Variants in TTC27 observed in about 807,000 individuals in gnomAD.
TTC27 encodes tetratricopeptide repeat domain 27.
A neutral mutation model predicts 115.9 loss-of-function variants in TTC27; 79 were observed. That is an observed-to-expected ratio of 0.68 (90% CI 0.57 to 0.82). The LOEUF is 0.82. TTC27 is among the 40% of genes least tolerant of loss of function. The probability of loss-of-function intolerance (pLI) is 0.00; values close to 1 mark genes in which losing one functional copy is unlikely to be tolerated. For synonymous variants in TTC27, 401 were observed against 356.0 expected, an observed-to-expected ratio of 1.13 and a Z score of -1.42; for missense variants, 1,054 against 993.1, an observed-to-expected ratio of 1.06 and a Z score of -0.82.
chr2:32,690,713 A>G (rs1666781247), intron 9 of TTC27, among the ~76,000 whole-genome samples: 1 of 152,184 alleles, frequency 6.6e-6, no homozygotes, highest in East Asian at 1.9e-4. Context: ...TTTTTAAATG[A>G]CCTACCTAGC....
chr2:32,725,381 G>A (rs890758345), intron 10 of TTC27, among the ~76,000 whole-genome samples: 1 of 152,090 alleles, frequency 6.6e-6, no homozygotes, highest in Non-Finnish European at 1.5e-5. Flanking sequence ...TGCAGGCATT[G>A]GGTAAATACA....
At chr2:32,747,358 C>G (rs540550857) in intron 12 of TTC27, among the ~76,000 whole-genome samples, 7 of 152,252 alleles carry the variant, frequency 4.6e-5, no homozygotes, top group Non-Finnish European at 8.8e-5. Flanking sequence ...GCATTTAATA[C>G]CCCTAACTTA....
rs1664136548 is a variant in TTC27 at position 32,630,451 on chromosome 2, C to T, written c.89-72C>T. 2.2e-5 allele frequency: 27 copies of T among 1,203,426 alleles called. No homozygotes were observed. The South Asian group carries it at 3.9e-4, about 17-fold the overall frequency. The allele number at this position is 1,203,426 out of a possible 1,614,324, so 74.5% of individuals were successfully genotyped here. A position where few individuals can be genotyped will look rare whatever the true frequency, so the allele number is the denominator to read the frequency against. On this transcript the variant is annotated intron_variant, in intron 1 of 19. Transcript: ENST00000317907. ...TTGCACACTAAAATGGTAGATTTAC[C>T]TAATAGTGTTATCCTTTACGGTATG...
At chr2:32,654,098 A>C (rs569283057) in intron 5 of TTC27, among the ~76,000 whole-genome samples, 1 of 152,328 alleles carries the variant, frequency 6.6e-6, no homozygotes, top group South Asian at 2.1e-4. Context: ...CTTTAGAGAT[A>C]ATCTTGTCTA....
intron 4 of TTC27, among the ~76,000 whole-genome samples, chr2:32,642,716 G>A (rs1664699631): frequency 6.6e-6 from 1 of 151,880 alleles, no homozygotes; most frequent in Admixed American, 6.6e-5. Context: ...TGCCCAGGCT[G>A]GAGTGCAGTG....
intron 16 of TTC27, among the ~76,000 whole-genome samples, chr2:32,790,754 A>C (rs1670509101): frequency 6.7e-6 from 1 of 149,306 alleles, no homozygotes; most frequent in South Asian, 2.1e-4. Context: ...AGTGACCATC[A>C]TTCCTTTCTG....
At chr2:32,802,503 C>T (rs1670985266) in intron 16 of TTC27, among the ~76,000 whole-genome samples, 1 of 152,120 alleles carries the variant, frequency 6.6e-6, no homozygotes, top group South Asian at 2.1e-4. Context: ...GCTTCCTCTC[C>T]TCATCCTCTT....
At chr2:32,787,676 C>A (rs1670394982) in intron 16 of TTC27, among the ~76,000 whole-genome samples, 1 of 152,014 alleles carries the variant, frequency 6.6e-6, no homozygotes, top group Admixed American at 6.6e-5. Context: ...GTTGTGTCAT[C>A]CAAAATATTA....
chr2:32,761,495 C>T (rs1213406802), intron 13 of TTC27, among the ~76,000 whole-genome samples: 1 of 152,162 alleles, frequency 6.6e-6, no homozygotes, highest in Non-Finnish European at 1.5e-5. Flanking sequence ...GCTCTCAAGA[C>T]TTTCCCCAGT....
At chr2:32,663,660 GTA>G (rs1431516803) in intron 5 of TTC27, among the ~76,000 whole-genome samples, 9 of 151,522 alleles carry the variant, frequency 5.9e-5, no homozygotes, top group African/African-American at 2.2e-4. Context: ...ATGTATGTAT[GTA>G]TGTATGTATG....
rs998490163 is a variant in TTC27 at position 32,762,630 on chromosome 2, T to G, written c.1680+4111T>G. Among the ~76,000 whole-genome samples the G allele has an allele frequency of 1.8e-4, 13 of 71,308 alleles. No homozygotes were observed. The South Asian group carries it at 4.6e-3, about 25-fold the overall frequency. 46.8% of individuals were successfully genotyped at this position (71,308 alleles called of 152,430 possible). ...GTAGCAATAGTTTAGTTTTTTGGGTTTTTTTTTTTGTTTTGTTTTTTGAGA... is the reference window on the plus strand; with the variant it reads ...GTAGCAATAGTTTAGTTTTTTGGGTGTTTTTTTTTGTTTTGTTTTTTGAGA... On this transcript the variant is annotated intron_variant, in intron 13 of 19. Transcript: ENST00000317907.
intron 7 of TTC27, among the ~76,000 whole-genome samples, chr2:32,669,972 G>A (rs1051633922): frequency 3.3e-5 from 5 of 150,398 alleles, no homozygotes; most frequent in Admixed American, 2.6e-4. Context: ...TTTTGAGATG[G>A]TGTCTCATTC....
rs143971104 is a variant in TTC27, at chr2:32,787,040, A to G, written c.1889A>G (p.Gln630Arg). The G allele has an allele frequency of 3.7e-6, 6 of 1,614,026 alleles. No homozygotes were observed. The highest frequency in any genetic ancestry group is 5.1e-6 in the Non-Finnish European group (6 of 1,180,010). ...CTCAAGTGTAACTATGAACACTGGC[A>G]GATTTGGGAAAACTACATCCTCACC... ...EALKCNYEHW[Q>R]IWENYILTST... is the part of the protein sequence containing the mutation. The change falls in exon 16 of 20, where the codon CAG becomes CGG. Residue 630 changes from glutamine to arginine, a missense_variant. Transcript: ENST00000317907.
At chr2:32,743,856 G>C (rs1382685937) in intron 12 of TTC27, among the ~76,000 whole-genome samples, 2 of 152,204 alleles carry the variant, frequency 1.3e-5, no homozygotes, top group Admixed American at 1.3e-4. Flanking sequence ...ATTTCAGCTA[G>C]AGTGTGTCAC....
chr2:32,708,626 G>A (rs1667468582), intron 10 of TTC27, among the ~76,000 whole-genome samples: 1 of 151,694 alleles, frequency 6.6e-6, no homozygotes, highest in Non-Finnish European at 1.5e-5. Flanking sequence ...TATTTTTCTA[G>A]CTTACTTTAT....
intron 16 of TTC27, among the ~76,000 whole-genome samples, chr2:32,790,270 ATT>A (rs879750990): frequency 1.3e-5 from 2 of 150,592 alleles, no homozygotes; most frequent in African/African-American, 4.9e-5. Context: ...TTGCCATTAA[ATT>A]TTTTTTTTGT....
At chr2:32,691,831 A>T (rs1666822405) in intron 9 of TTC27, among the ~76,000 whole-genome samples, 1 of 151,876 alleles carries the variant, frequency 6.6e-6, no homozygotes, top group Non-Finnish European at 1.5e-5. Context: ...CCTTTTATAG[A>T]TTTTGGTCAA....
At chr2:32,657,439 C>T (rs1350038817) in intron 5 of TTC27, among the ~76,000 whole-genome samples, 3 of 150,116 alleles carry the variant, frequency 2.0e-5, no homozygotes, top group Admixed American at 6.7e-5. Context: ...CTGCAAGCTC[C>T]GCCTCCTGGG....
intron 5 of TTC27, among the ~76,000 whole-genome samples, chr2:32,659,958 C>G (rs1159821057): frequency 6.6e-6 from 1 of 152,068 alleles, no homozygotes; most frequent in East Asian, 1.9e-4. Context: ...CTATTGTGAA[C>G]AGTGCTGCAG....
Sources: allele counts gnomAD v4.1 joint callset (sites outside exome capture counted in the v4.1 genomes callset), GRCh38; gene constraint gnomAD v4.1.1; transcripts MANE v1.5; gene names NCBI Gene and HGNC (gene_info 2026-07-23, HGNC 2026-07-21).